Variants in NAA80 observed in about 807,000 individuals in gnomAD.
NAA80 encodes N-alpha-acetyltransferase 80.
In NAA80, 5 loss-of-function variants were observed where a neutral mutation model predicts 8.7. The observed-to-expected ratio is 0.58, with a 90% CI of 0.30 to 1.21. The LOEUF (loss-of-function observed/expected upper bound fraction) is 1.21, where lower values mean the gene tolerates loss of function less well. NAA80 is among the 50% of genes most tolerant of loss of function. The pLI is 0.07. For missense variants in NAA80, 360 were observed against 368.6 expected, an observed-to-expected ratio of 0.98 and a Z score of 0.19; for synonymous variants, 149 against 156.6, an observed-to-expected ratio of 0.95 and a Z score of 0.36.
chr3:50,297,193 G>A lies in NAA80; in HGVS notation c.271C>T (p.Leu91=). Residue 91 remains leucine, a synonymous_variant, in exon 2 of 2, where the codon CTG becomes TTG. Coordinates refer to ENST00000443094, the MANE Select transcript of NAA80 (RefSeq NM_001200016.2). This position sits in a 1 kb window ranked among gnomAD's most constrained non-coding sequence, Gnocchi z 4.3. ...TCTGAGGACTGGCCCAGGGAGTGCA[G>A]GCGGGAGGTGCGGCTGCGGGGCCAC... ...DQWPRSRTSR[L]HSLGQSSDAF... is the part of the protein sequence containing the mutation. 14 of 1,612,562 alleles carry A rather than the reference G, an allele frequency of 8.7e-6. No individual in the cohort carries two copies. The highest frequency in any genetic ancestry group is 1.0e-5 in the Non-Finnish European group (12 of 1,179,184).
chr3:50,297,111 G>A lies in NAA80; in HGVS notation c.353C>T (p.Pro118Leu). The change falls in exon 2 of 2, where the codon CCC (proline) becomes CTC (leucine). Residue 118 changes from proline to leucine, a missense_variant. By Grantham distance (98) the Pro-to-Leu change is moderately conservative. Coordinates refer to ENST00000443094, the MANE Select transcript of NAA80 (RefSeq NM_001200016.2). The surrounding 1 kb of genome is among the most constrained non-coding windows in gnomAD (Gnocchi z 4.3). ...LSPHPTLEAAPVVVGHARLSR... is the reference protein window; with the variant it reads ...LSPHPTLEAALVVVGHARLSR... ...CAGGCGGGCATGGCCCACCACAACG[G>A]GTGCTGCTTCAAGTGTGGGGTGGGG... 1.3e-6 allele frequency: 2 copies of A among 1,556,978 alleles called. No homozygotes were observed. Among genetic ancestry groups the A allele is most frequent in the Non-Finnish European group, 1.7e-6 (2 of 1,149,932 alleles).
rs781901007 is a variant in NAA80, at chr3:50,297,455, C to T, written c.9G>A (p.Leu3=). ...GCTCAGCTGGGCTGGTACTCAGGAT[C>T]AGCTCCATCCGGTGTGTAGGGTCTA... ME[L]ILSTSPAELT... Residue 3 remains leucine (L), a synonymous_variant, in exon 2 of 2, where the codon CTG becomes CTA. Transcript: ENST00000443094. This position sits in a 1 kb window ranked among gnomAD's most constrained non-coding sequence, Gnocchi z 4.3. The T allele has an allele frequency of 9.4e-6, 15 of 1,603,770 alleles. No individual in the cohort carries two copies. The highest frequency in any genetic ancestry group is 8.5e-7 in the Non-Finnish European group (1 of 1,174,284).
rs960626077 is a variant in NAA80 at position 50,296,545 on chromosome 3, T to C, written c.*58A>G. The C allele has an allele frequency of 1.9e-6, 3 of 1,568,014 alleles. No individual in the cohort carries two copies. In the African/African-American group the frequency reaches 4.1e-5, roughly 21 times the overall value. The stretch of plus-strand genomic sequence containing the variant: ...GAGGTATGGTCAGTGGGCTGAGGCT[T>C]GTAGACTGTCGGGGCAGTCTATTGA... On this transcript the variant is annotated 3_prime_UTR_variant, in exon 2 of 2. Coordinates refer to ENST00000443094, the MANE Select transcript of NAA80 (RefSeq NM_001200016.2).
rs1553711900 is a variant in NAA80, at chr3:50,299,227, C to T, written c.-224G>A. 1 of 1,614,152 alleles carries T rather than the reference C, an allele frequency of 6.2e-7. No individual in the cohort carries two copies. Among genetic ancestry groups the T allele is most frequent in the Admixed American group, 1.7e-5 (1 of 60,034 alleles). On this transcript the variant is annotated 5_prime_UTR_variant, in exon 1 of 2. Transcript: ENST00000443094. ...GCGGTACTGACATGTTGATGCTGGC[C>T]TCTGGGATGTTCCGCGTCCTAGCTC...
Position 50,296,949 on chromosome 3 carries a change from A to G in NAA80, c.515T>C (p.Leu172Pro), listed in dbSNP as rs1553711310. ...CACCTGGTCATGGGTGGTGAGATGC[A>G]GCTTGCGGAAGCCCCGGGCCCGAGC... The part of the protein sequence containing the change: ...VFARARGFRK[L>P]HLTTHDQVHF... Residue 172 changes from leucine to proline, a missense_variant, in exon 2 of 2, where the codon CTG (leucine) becomes CCG (proline). Leu to Pro is a moderately conservative substitution (Grantham distance 98). Transcript: ENST00000443094. 8 of 1,603,548 alleles carry G rather than the reference A, an allele frequency of 5.0e-6. No individual in the cohort carries two copies. Among genetic ancestry groups the G allele is most frequent in the Admixed American group, 1.7e-5 (1 of 57,888 alleles).
In NAA80 at chr3:50,296,734, G is replaced by C. The variant is rs374067234; in HGVS notation, c.730C>G (p.Pro244Ala). 8 of 1,611,624 alleles carry C rather than the reference G, an allele frequency of 5.0e-6. No individual in the cohort carries two copies. The African/African-American group carries it at 1.1e-4, about 22-fold the overall frequency. The change falls in exon 2 of 2, where the codon CCC (proline) becomes GCC (alanine). Residue 244 changes from proline (P) to alanine (A), a missense_variant. Coordinates refer to ENST00000443094, the MANE Select transcript of NAA80 (RefSeq NM_001200016.2). ...RGPKGPPLPP[P>A]PPLPECLTIS... ...GTCAGGCACTCAGGTAGGGGAGGGGGTGGTGGCAATGGAGGTCCCTTGGGA... is the reference window on the plus strand; with the variant it reads ...GTCAGGCACTCAGGTAGGGGAGGGGCTGGTGGCAATGGAGGTCCCTTGGGA...
chr3:50,297,494 C>A lies in NAA80; in HGVS notation c.-31G>T. 1 of 1,554,124 alleles carries A rather than the reference C, an allele frequency of 6.4e-7. No individual in the cohort carries two copies. The highest frequency in any genetic ancestry group is 8.7e-7 in the Non-Finnish European group (1 of 1,146,340). On this transcript the variant is annotated 5_prime_UTR_variant, in exon 2 of 2. Coordinates refer to ENST00000443094, the MANE Select transcript of NAA80 (RefSeq NM_001200016.2). The surrounding 1 kb of genome is among the most constrained non-coding windows in gnomAD (Gnocchi z 4.3). ...GTGTAGGGTCTAGTGTAGGGGTCAG[C>A]TTGGCTGGGCCAGGGCTCAGAGTCA...
In NAA80 at chr3:50,297,822, A is replaced by T; in HGVS notation, c.-209-150T>A. On this transcript the variant is annotated intron_variant, in intron 1 of 1. Coordinates refer to ENST00000443094, the MANE Select transcript of NAA80 (RefSeq NM_001200016.2). The surrounding 1 kb of genome is among the most constrained non-coding windows in gnomAD (Gnocchi z 4.3). Reference sequence around the variant, plus strand: ...CCACACTCACCTGATAGCACAGGTGACCTGGAAGAGACCCATCCCCTATAG... The same window carrying T: ...CCACACTCACCTGATAGCACAGGTGTCCTGGAAGAGACCCATCCCCTATAG... 1 of 1,131,104 alleles carries T rather than the reference A, an allele frequency of 8.8e-7. No homozygotes were observed. Among genetic ancestry groups the T allele is most frequent in the Non-Finnish European group, 1.1e-6 (1 of 923,122 alleles). 70.1% of individuals were successfully genotyped at this position (1,131,104 alleles called of 1,614,324 possible).
chr3:50,299,142 G>C lies in NAA80; in HGVS notation c.-210+71C>G, dbSNP rs370533099. The stretch of plus-strand genomic sequence containing the variant: ...TGACGCGGGGAGGGCGTGCAGGGTG[G>C]CATGGCCACTTGGGGACCGCACGCG... On this transcript the variant is annotated intron_variant, in intron 1 of 1. Transcript: ENST00000443094. 2,134 of 1,613,542 alleles carry C rather than the reference G, an allele frequency of 1.3e-3. 11 individuals are homozygous for C. Among genetic ancestry groups the C allele is most frequent in the Middle Eastern group, 5.2e-3 (31 of 5,964 alleles).
In NAA80 at chr3:50,299,395, T is replaced by C. The variant is rs1328801528; in HGVS notation, c.-392A>G. The C allele has an allele frequency of 7.2e-7, 1 of 1,392,728 alleles. No individual in the cohort carries two copies. Among genetic ancestry groups the C allele is most frequent in the Non-Finnish European group, 9.7e-7 (1 of 1,029,188 alleles). The allele number at this position is 1,392,728 out of a possible 1,614,324, so 86.3% of individuals were successfully genotyped here. A position where few individuals can be genotyped will look rare whatever the true frequency, so the allele number is the denominator to read the frequency against. On this transcript the variant is annotated 5_prime_UTR_variant, in exon 1 of 2. Coordinates refer to ENST00000443094, the MANE Select transcript of NAA80 (RefSeq NM_001200016.2). ...TCTAAGGCCTCCCAGCACCCGCGCG[T>C]CGCCGCTTAGAACCCGCCCCTGGTT... is the stretch of plus-strand genomic sequence containing the variant.
rs372686842 is a variant in NAA80, at chr3:50,296,663, C to T, written c.801G>A (p.Leu267=). The T allele has an allele frequency of 1.2e-5, 20 of 1,613,874 alleles. No homozygotes were observed. Among genetic ancestry groups the T allele is most frequent in the Non-Finnish European group, 1.6e-5 (19 of 1,179,986 alleles). The change falls in exon 2 of 2, where the codon CTG becomes CTA. Residue 267 remains leucine (L), a synonymous_variant. Transcript: ENST00000443094. The stretch of plus-strand genomic sequence containing the variant: ...CCCTCACATTTTGATATTGTGTCTC[C>T]AGCAGGCTTTTTGAAGGGGGCCCTG... ...VPSGPPSKSL[L]ETQYQNVRGR...
chr3:50,298,269 T>C (rs1701944168), intron 1 of NAA80, among the ~76,000 whole-genome samples: 1 of 152,138 alleles, frequency 6.6e-6, no homozygotes, highest in South Asian at 2.1e-4. Context: ...TAGTGGATCC[T>C]GGGGCCCCAC....
In NAA80 at chr3:50,297,067, G is replaced by A. The variant is rs782356090; in HGVS notation, c.397C>T (p.Pro133Ser). 2.6e-6 allele frequency: 4 copies of A among 1,535,956 alleles called. No homozygotes were observed. Among genetic ancestry groups the A allele is most frequent in the East Asian group, 4.5e-5 (2 of 44,190 alleles). ...HARLSRVLNQ[P>S]QSLLVETVVV... The stretch of plus-strand genomic sequence containing the variant: ...ACTGTCTCCACTAAGAGGCTCTGGG[G>A]CTGGTTCAGCACCCGTGACAGGCGG... The change falls in exon 2 of 2, where the codon CCC becomes TCC. Residue 133 changes from proline (P) to serine (S), a missense_variant. By Grantham distance (74) the Pro-to-Ser change is moderately conservative. Transcript: ENST00000443094. This position sits in a 1 kb window ranked among gnomAD's most constrained non-coding sequence, Gnocchi z 4.3.
chr3:50,297,621 A>G lies in NAA80; in HGVS notation c.-158T>C. On this transcript the variant is annotated 5_prime_UTR_variant, in exon 2 of 2. Transcript: ENST00000443094. This position sits in a 1 kb window ranked among gnomAD's most constrained non-coding sequence, Gnocchi z 4.3. ...TGGCTCAGTGCCAGGCTGGAGGTTAAGACCCCAGTCTCCAGGCAGTAGCAT... is the reference window on the plus strand; with the variant it reads ...TGGCTCAGTGCCAGGCTGGAGGTTAGGACCCCAGTCTCCAGGCAGTAGCAT... 2 of 1,473,470 alleles carry G rather than the reference A, an allele frequency of 1.4e-6. No individual in the cohort carries two copies. The highest frequency in any genetic ancestry group is 8.9e-7 in the Non-Finnish European group (1 of 1,117,808). 91.3% of individuals were successfully genotyped at this position (1,473,470 alleles called of 1,614,324 possible). A position where few individuals can be genotyped will look rare whatever the true frequency, so the allele number is the denominator to read the frequency against.
Position 50,297,552 on chromosome 3 carries a change from T to C in NAA80, c.-89A>G. On this transcript the variant is annotated 5_prime_UTR_variant, in exon 2 of 2. Coordinates refer to ENST00000443094, the MANE Select transcript of NAA80 (RefSeq NM_001200016.2). This position sits in a 1 kb window ranked among gnomAD's most constrained non-coding sequence, Gnocchi z 4.3. ...CCTATGCACAGGATCCAGGTTCAGC[T>C]GAGTCAGGCTGGGAGCCAAGGTCAC... is the stretch of plus-strand genomic sequence containing the variant. 1 of 1,502,282 alleles carries C rather than the reference T, an allele frequency of 6.7e-7. No individual in the cohort carries two copies. Among genetic ancestry groups the C allele is most frequent in the Non-Finnish European group, 8.9e-7 (1 of 1,124,344 alleles). 93.1% of individuals were successfully genotyped at this position (1,502,282 alleles called of 1,614,324 possible).
At chr3:50,298,362 C>T (rs2109295865) in intron 1 of NAA80, among the ~76,000 whole-genome samples, 1 of 152,220 alleles carries the variant, frequency 6.6e-6, no homozygotes, top group South Asian at 2.1e-4. Context: ...CAACTCTGCC[C>T]ATCTCAGGAC....
chr3:50,299,394 G>A lies in NAA80; in HGVS notation c.-391C>T. 7.1e-7 allele frequency: 1 copy of A among 1,400,474 alleles called. No individual in the cohort carries two copies. The highest frequency in any genetic ancestry group is 9.7e-7 in the Non-Finnish European group (1 of 1,035,574). The allele number at this position is 1,400,474 out of a possible 1,614,324, so 86.8% of individuals were successfully genotyped here. On this transcript the variant is annotated 5_prime_UTR_variant, in exon 1 of 2. It adds an upstream start codon to the 5' untranslated region. Transcript: ENST00000443094. Reference sequence around the variant, plus strand: ...TTCTAAGGCCTCCCAGCACCCGCGCGTCGCCGCTTAGAACCCGCCCCTGGT... The same window carrying A: ...TTCTAAGGCCTCCCAGCACCCGCGCATCGCCGCTTAGAACCCGCCCCTGGT...
intron 1 of NAA80, chr3:50,298,934 C>A (rs1701995159): frequency 7.1e-7 from 1 of 1,404,502 alleles, no homozygotes; most frequent in Non-Finnish European, 9.3e-7. Flanking sequence ...CCCTTCAGTG[C>A]CGACCCCACC....
chr3:50,298,195 C>T (rs1701938442), intron 1 of NAA80: 3 of 719,914 alleles, frequency 4.2e-6, no homozygotes, highest in Non-Finnish European at 5.1e-6. Context: ...CCTTTCTTCT[C>T]CCTATGTTCC....
Sources: allele counts gnomAD v4.1 joint callset (sites outside exome capture counted in the v4.1 genomes callset), GRCh38; gene constraint gnomAD v4.1.1; non-coding constraint Gnocchi (gnomAD v3.1); transcripts MANE v1.5; gene names NCBI Gene and HGNC (gene_info 2026-07-23, HGNC 2026-07-21).